The following KCNMA1 variants were observed in gnomAD, a reference collection of about 807,000 sequenced individuals.
KCNMA1 encodes the protein Calcium-activated potassium channel subunit alpha-1.
A neutral mutation model predicts 140.0 loss-of-function variants in KCNMA1; 29 were observed. The observed-to-expected ratio is 0.21, with a 90% confidence interval of 0.15 to 0.28. The LOEUF (loss-of-function observed/expected upper bound fraction) is 0.28, where lower values mean the gene tolerates loss of function less well. Ranked by LOEUF, KCNMA1 falls within the 10% of genes least tolerant of loss-of-function variation. The pLI, the probability that KCNMA1 is intolerant of heterozygous loss-of-function variation, is 1.00. For missense variants in KCNMA1, 880 were observed against 1,602.2 expected (o/e 0.55, Z 7.70); for synonymous variants, 612 against 611.9 (o/e 1.00, Z 0.00).
chr10:77,471,572 T>C (rs940746439), intron 1 of KCNMA1, among the ~76,000 whole-genome samples: 2 of 142,470 alleles, frequency 1.4e-5, no homozygotes, highest in African/African-American at 5.3e-5. Context: ...ACACACTCCA[T>C]ACCAAATACC....
chr10:77,149,695 C>G (rs1318598184), intron 5 of KCNMA1: 1 of 152,218 alleles, frequency 6.6e-6, no homozygotes, highest in Non-Finnish European at 1.5e-5. Context: ...TGCATCCTAA[C>G]CCCAATTTGT....
downstream of KCNMA1, chr10:76,876,449 T>C (rs2032400214): frequency 6.6e-6 from 1 of 152,656 alleles, no homozygotes; most frequent in South Asian, 2.1e-4. Context: ...AGCAGAGCTC[T>C]GAGACATCGT....
intron 21 of KCNMA1, chr10:76,952,287 A>G: frequency 9.8e-7 from 1 of 1,019,050 alleles, no homozygotes; most frequent in Non-Finnish European, 1.4e-6. Flanking sequence ...TTGGGAGGCC[A>G]AGGTTGGCGG....
intron 1 of KCNMA1, among the ~76,000 whole-genome samples, chr10:77,429,377 G>A (rs1334488730): frequency 1.3e-5 from 2 of 152,188 alleles, no homozygotes; most frequent in African/African-American, 4.8e-5. Flanking sequence ...CATCTATCCA[G>A]TAGCTATTCT....
At chr10:77,019,891 A>C (rs966772456) in intron 16 of KCNMA1, 5 of 152,180 alleles carry the variant, frequency 3.3e-5, no homozygotes, top group African/African-American at 1.2e-4. Context: ...CTAAATATAC[A>C]TTGTCCTATT....
intron 29 of KCNMA1, among the ~76,000 whole-genome samples, chr10:76,878,600 T>C (rs1307391638): frequency 1.3e-5 from 2 of 152,020 alleles, no homozygotes; most frequent in African/African-American, 4.8e-5. Context: ...ATGAATAGAG[T>C]TCCAAGTGGC....
At chr10:77,001,061 T>C (rs1208061695) in intron 19 of KCNMA1, among the ~76,000 whole-genome samples, 1 of 151,808 alleles carries the variant, frequency 6.6e-6, no homozygotes, top group African/African-American at 2.4e-5. Flanking sequence ...AATATTAACA[T>C]GTACACTTCT....
chr10:77,563,155 A>C (rs551797654), intron 1 of KCNMA1, among the ~76,000 whole-genome samples: 2 of 152,246 alleles, frequency 1.3e-5, no homozygotes, highest in South Asian at 4.2e-4. Flanking sequence ...TAGGTAGCTC[A>C]AACAGCTAAG....
rs932571695 is a variant in KCNMA1 at position 77,525,971 on chromosome 10, G to A, written c.378+111294C>T. On this transcript the variant is annotated intron_variant, in intron 1 of 27. Coordinates refer to ENST00000286628, the MANE Select transcript of KCNMA1 (RefSeq NM_001161352.2). ...CAAGTGGCCTGGTTTTGGTCAATGA[G>A]AAAAATGGGAGAAGTATCGGGGGCT... 2.0e-5 allele frequency among the ~76,000 whole-genome samples: 3 copies of A among 152,178 alleles called. No homozygotes were observed. The East Asian group carries it at 5.8e-4, about 29-fold the overall frequency.
At chr10:76,989,756 C>T (rs926908945) in intron 19 of KCNMA1, among the ~76,000 whole-genome samples, 1 of 151,976 alleles carries the variant, frequency 6.6e-6, no homozygotes, top group Non-Finnish European at 1.5e-5. Context: ...GGCTTCTCTG[C>T]CTGTAGCTGA....
intron 1 of KCNMA1, among the ~76,000 whole-genome samples, chr10:77,511,122 C>A (rs1301756959): frequency 6.6e-6 from 1 of 152,194 alleles, no homozygotes; most frequent in Non-Finnish European, 1.5e-5. Flanking sequence ...TGAGAATCAC[C>A]AGGAAGGCTT....
intron 3 of KCNMA1, among the ~76,000 whole-genome samples, chr10:77,196,364 C>T (rs936685707): frequency 3.9e-5 from 6 of 152,160 alleles, no homozygotes; most frequent in South Asian, 2.1e-4. Context: ...ATGTTTCCTT[C>T]GCCAAGCCCC....
intron 1 of KCNMA1, among the ~76,000 whole-genome samples, chr10:77,624,012 T>A (rs1479930053): frequency 6.6e-6 from 1 of 151,778 alleles, no homozygotes; most frequent in Non-Finnish European, 1.5e-5. Context: ...TCAGGGGGAG[T>A]TTTTTTCGGA....
chr10:76,953,570 C>T (rs1221548357), intron 21 of KCNMA1, among the ~76,000 whole-genome samples: 1 of 152,200 alleles, frequency 6.6e-6, no homozygotes, highest in East Asian at 1.9e-4. Context: ...ACAGCAAGTG[C>T]TCACCTACTC....
At chr10:77,033,468 TCACA>T (rs959560002) in intron 15 of KCNMA1, among the ~76,000 whole-genome samples, 1 of 150,830 alleles carries the variant, frequency 6.6e-6, no homozygotes, top group Non-Finnish European at 1.5e-5. Flanking sequence ...ACAAACACAC[TCACA>T]CACACACAAT....
intron 20 of KCNMA1, among the ~76,000 whole-genome samples, chr10:76,965,444 T>C (rs1033957692): frequency 1.3e-5 from 2 of 152,110 alleles, no homozygotes; most frequent in African/African-American, 4.8e-5. Flanking sequence ...GATGGAGGAC[T>C]CCCAACCCTT....
chr10:77,419,819 T>C (rs542047228), intron 1 of KCNMA1, among the ~76,000 whole-genome samples: 7 of 152,178 alleles, frequency 4.6e-5, no homozygotes, highest in Non-Finnish European at 1.0e-4. Flanking sequence ...GTCACAGCCC[T>C]GGAAAGCAGG....
chr10:77,331,426 C>T (rs1339929106), intron 2 of KCNMA1, among the ~76,000 whole-genome samples: 2 of 151,968 alleles, frequency 1.3e-5, no homozygotes, highest in South Asian at 2.1e-4. Context: ...GTAGGTAGAG[C>T]CAGTAAGGAT....
intron 1 of KCNMA1, among the ~76,000 whole-genome samples, chr10:77,606,979 A>G (rs1210139694): frequency 5.3e-5 from 8 of 152,158 alleles, no homozygotes; most frequent in African/African-American, 1.4e-4. Flanking sequence ...TTTGCCTCCA[A>G]TAAGCCCTGG....
Sources: allele counts gnomAD v4.1 joint callset (sites outside exome capture counted in the v4.1 genomes callset), GRCh38; gene constraint gnomAD v4.1.1; transcripts MANE v1.5; gene names NCBI Gene and HGNC (gene_info 2026-07-23, HGNC 2026-07-21).